The following ROBO1 variants were observed in gnomAD, a reference collection of about 807,000 sequenced individuals.
ROBO1 encodes the protein roundabout guidance receptor 1, also known as roundabout homolog 1.
ROBO1 carries 149 observed loss-of-function variants against 195.9 expected under a neutral mutation model. That is an observed-to-expected ratio of 0.76 (90% CI 0.67 to 0.87). The LOEUF is 0.87. ROBO1 is among the 40% of genes least tolerant of loss of function. The pLI, the probability that ROBO1 is intolerant of heterozygous loss-of-function variation, is 0.00. For missense variants in ROBO1, 1,933 were observed against 2,068.3 expected (o/e 0.93, Z 1.27); for synonymous variants, 816 against 733.2 (o/e 1.11, Z -1.82).
chr3:79,040,831 C>T (rs2078474310), intron 3 of ROBO1, among the ~76,000 whole-genome samples: 1 of 152,080 alleles, frequency 6.6e-6, no homozygotes, highest in South Asian at 2.1e-4. Context: ...TTGTGTAATA[C>T]TTCTTTTTAA....
At chr3:79,192,246 T>A (rs1426764403) in intron 2 of ROBO1, among the ~76,000 whole-genome samples, 1 of 151,656 alleles carries the variant, frequency 6.6e-6, no homozygotes, top group African/African-American at 2.4e-5. Flanking sequence ...AATGTTCTGT[T>A]GTTCACTAAT....
chr3:78,654,038 A>T (rs1706843984), intron 18 of ROBO1, among the ~76,000 whole-genome samples: 1 of 152,248 alleles, frequency 6.6e-6, no homozygotes. Flanking sequence ...AGATTTTTCA[A>T]TCCAAAAATA....
intron 4 of ROBO1, among the ~76,000 whole-genome samples, chr3:78,757,229 C>T (rs1442584572): frequency 2.0e-5 from 3 of 152,160 alleles, no homozygotes; most frequent in Non-Finnish European, 4.4e-5. Context: ...ACCTTCCCTA[C>T]TTCCACTCCC....
At chr3:78,976,874 CTA>C (rs2076895545) in intron 3 of ROBO1, among the ~76,000 whole-genome samples, 1 of 152,126 alleles carries the variant, frequency 6.6e-6, no homozygotes, top group Non-Finnish European at 1.5e-5. Context: ...TTAAAGACCA[CTA>C]TATATGGTTG....
chr3:78,842,619 C>A, intron 4 of ROBO1, among the ~76,000 whole-genome samples: 2 of 147,462 alleles, frequency 1.4e-5, no homozygotes, highest in South Asian at 2.1e-4. Context: ...TATATGGCAC[C>A]TAAGCACACG....
chr3:79,020,499 C>A lies in ROBO1; in HGVS notation c.173-81572G>T, dbSNP rs898221588. On this transcript the variant is annotated intron_variant, in intron 3 of 30. Transcript: ENST00000464233. ...TTAAGGTCTGGAGTTCGAGACCAGCCTGACCAATATGGTGAAACCCCGTCT... is the reference window on the plus strand; with the variant it reads ...TTAAGGTCTGGAGTTCGAGACCAGCATGACCAATATGGTGAAACCCCGTCT... Among the ~76,000 whole-genome samples, 4 of 152,116 alleles carry A rather than the reference C, an allele frequency of 2.6e-5. No individual in the cohort carries two copies. In the South Asian group the frequency reaches 8.3e-4, roughly 32 times the overall value.
At chr3:78,651,180 T>C (rs1706632992) in intron 19 of ROBO1, among the ~76,000 whole-genome samples, 1 of 152,162 alleles carries the variant, frequency 6.6e-6, no homozygotes, top group Non-Finnish European at 1.5e-5. Context: ...CATACACATA[T>C]TCCATTTTGC....
intron 24 of ROBO1, among the ~76,000 whole-genome samples, 184 bp downstream of exon 24, chr3:78,633,751 C>A (rs1291571779): frequency 1.3e-5 from 2 of 152,124 alleles, no homozygotes; most frequent in Admixed American, 6.6e-5. Context: ...CCAAATAGAA[C>A]ATAAAATGAT....
At chr3:78,992,245 A>C (rs989444713) in intron 3 of ROBO1, among the ~76,000 whole-genome samples, 1 of 152,202 alleles carries the variant, frequency 6.6e-6, no homozygotes, top group African/African-American at 2.4e-5. Flanking sequence ...AAGTGATACC[A>C]ATCCTGGATC....
chr3:79,209,055 G>T (rs1367759085), intron 2 of ROBO1, among the ~76,000 whole-genome samples: 1 of 151,752 alleles, frequency 6.6e-6, no homozygotes, highest in Non-Finnish European at 1.5e-5. Flanking sequence ...GTTTTGTTTT[G>T]GTTACATGAA....
intron 1 of ROBO1, among the ~76,000 whole-genome samples, chr3:79,673,752 A>C (rs372766206): frequency 9.2e-5 from 14 of 152,104 alleles, no homozygotes; most frequent in East Asian, 7.8e-4. Context: ...TCATGTTAAC[A>C]TATCCTCATT....
At chr3:78,884,760 A>T (rs1299126749) in intron 4 of ROBO1, among the ~76,000 whole-genome samples, 1 of 151,870 alleles carries the variant, frequency 6.6e-6, no homozygotes, top group Admixed American at 6.6e-5. Context: ...AGAAAGAAAG[A>T]AAGAAAATTT....
chr3:78,897,714 T>C (rs999800311), intron 4 of ROBO1, among the ~76,000 whole-genome samples: 6 of 152,114 alleles, frequency 3.9e-5, no homozygotes, highest in Non-Finnish European at 5.9e-5. Context: ...ATTTATAACA[T>C]TACTTTTCAA....
chr3:79,570,327 C>A (rs756035871), intron 2 of ROBO1, among the ~76,000 whole-genome samples: 2 of 151,084 alleles, frequency 1.3e-5, no homozygotes, highest in African/African-American at 2.4e-5. Context: ...GTTATTTTTA[C>A]GTCCCTGCTT....
At chr3:79,067,484 A>C (rs1015981874) in intron 3 of ROBO1, among the ~76,000 whole-genome samples, 1 of 151,978 alleles carries the variant, frequency 6.6e-6, no homozygotes, top group Admixed American at 6.6e-5. Context: ...CTGAAGTAAG[A>C]TTCTGAGTCT....
intron 2 of ROBO1, among the ~76,000 whole-genome samples, chr3:79,443,928 A>G (rs1170706056): frequency 6.6e-6 from 1 of 152,160 alleles, no homozygotes; most frequent in Non-Finnish European, 1.5e-5. Flanking sequence ...GTGAAGGAAA[A>G]GACAGATTTT....
At chr3:78,713,088 CTT>C (rs2081805169) in intron 8 of ROBO1, among the ~76,000 whole-genome samples, 1 of 152,082 alleles carries the variant, frequency 6.6e-6, no homozygotes. Flanking sequence ...AAGAGGTTTT[CTT>C]TTCTTAGTTT....
intron 1 of ROBO1, among the ~76,000 whole-genome samples, chr3:79,698,990 C>T (rs1189205461): frequency 6.6e-6 from 1 of 150,852 alleles, no homozygotes; most frequent in Non-Finnish European, 1.5e-5. Context: ...TAGAACATAC[C>T]TTCCTATTCA....
At chr3:78,638,795 G>A (rs1387108299) in intron 22 of ROBO1, among the ~76,000 whole-genome samples, 1 of 151,850 alleles carries the variant, frequency 6.6e-6, no homozygotes, top group African/African-American at 2.4e-5. Flanking sequence ...GATTAGTTGA[G>A]CCCAGGAGGT....
Sources: gnomAD v4.1 joint callset for allele counts (sites outside exome capture counted in the v4.1 genomes callset) on GRCh38, gnomAD v4.1.1 for gene constraint, MANE v1.5 for transcripts, NCBI Gene and HGNC (gene_info 2026-07-23, HGNC 2026-07-21) for gene names.